Variants in CCDC38 observed in about 807,000 individuals in gnomAD.
The protein encoded by CCDC38 is coiled-coil domain-containing protein 38.
A neutral mutation model predicts 72.8 loss-of-function variants in CCDC38; 69 were observed. That is an observed-to-expected ratio of 0.95 (90% confidence interval 0.78 to 1.16). The LOEUF (loss-of-function observed/expected upper bound fraction) is 1.16. Among genes scored for constraint, CCDC38 ranks in the 50% most tolerant of loss-of-function variants. CCDC38 has a pLI of 0.00. For missense variants in CCDC38, 626 were observed against 638.9 expected (o/e 0.98, Z 0.22); for synonymous variants, 201 against 213.2 (o/e 0.94, Z 0.50).
chr12:95,929,287 G>A (rs1400591568), intron 2 of CCDC38, among the ~76,000 whole-genome samples: 1 of 152,172 alleles, frequency 6.6e-6, no homozygotes, highest in African/African-American at 2.4e-5. Flanking sequence ...ATTCGGGTGG[G>A]AGTGACCCGA....
At chr12:95,920,985 G>C (rs751792769) in intron 2 of CCDC38, among the ~76,000 whole-genome samples, 1 of 151,896 alleles carries the variant, frequency 6.6e-6, no homozygotes, top group Non-Finnish European at 1.5e-5. Context: ...AAAATTAGCC[G>C]GGTGTGGTGG....
At chr12:95,923,361 C>CT (rs2080229540) in intron 2 of CCDC38, among the ~76,000 whole-genome samples, 1 of 151,982 alleles carries the variant, frequency 6.6e-6, no homozygotes, top group South Asian at 2.1e-4. Flanking sequence ...GGACCTATGC[C>CT]TTATATACCA....
intron 5 of CCDC38, among the ~76,000 whole-genome samples, chr12:95,903,252 A>G (rs568485764): frequency 7.2e-4 from 109 of 152,264 alleles, no homozygotes; most frequent in Non-Finnish European, 1.3e-3. Flanking sequence ...CCTTGCTACA[A>G]CCTTGCTAAA....
intron 2 of CCDC38, among the ~76,000 whole-genome samples, chr12:95,936,034 C>A (rs922865549): frequency 6.6e-6 from 1 of 151,808 alleles, no homozygotes; most frequent in South Asian, 2.1e-4. Flanking sequence ...ACCAAGATTG[C>A]GCCAATGCAC....
rs765916613 is a variant in CCDC38 at position 95,918,965 on chromosome 12, C to G, written c.49G>C (p.Asp17His). ...GGCCTGTCCTCTTTGGTTGAGCCATCTTTTACTTTACCTGTTAAAAAAGAA... is the reference window on the plus strand; with the variant it reads ...GGCCTGTCCTCTTTGGTTGAGCCATGTTTTACTTTACCTGTTAAAAAAGAA... ...PTLNSGGKVK[D>H]GSTKEDRPYK... The change falls in exon 3 of 16, where the codon GAT (aspartate) becomes CAT (histidine). Residue 17 changes from aspartate to histidine, a missense_variant. By Grantham distance (81) the Asp-to-His change is moderately conservative. Coordinates refer to ENST00000344280, the MANE Select transcript of CCDC38 (RefSeq NM_182496.3). 3.1e-6 allele frequency: 5 copies of G among 1,600,280 alleles called. No homozygotes were observed. The highest frequency in any genetic ancestry group is 1.7e-4 in the Middle Eastern group (1 of 6,028).
chr12:95,925,823 G>C (rs948832050), intron 2 of CCDC38, among the ~76,000 whole-genome samples: 19 of 150,566 alleles, frequency 1.3e-4, no homozygotes, highest in Non-Finnish European at 2.7e-4. Flanking sequence ...CTTTGGTTCT[G>C]TTTATATGCT....
At chr12:95,887,511 A>G (rs938342973) in intron 10 of CCDC38, among the ~76,000 whole-genome samples, 1 of 152,254 alleles carries the variant, frequency 6.6e-6, no homozygotes. Flanking sequence ...CCAAAAGATT[A>G]CATACTGTAG....
At chr12:95,898,313 G>A in intron 7 of CCDC38, 72 bp downstream of exon 7, 1 of 1,377,962 alleles carries the variant, frequency 7.3e-7, no homozygotes, top group Non-Finnish European at 1.0e-6. Context: ...GGATTATTAG[G>A]TCTTACCTGG....
At chr12:95,918,059 T>C (rs775102372) in intron 3 of CCDC38, among the ~76,000 whole-genome samples, 2 of 152,184 alleles carry the variant, frequency 1.3e-5, no homozygotes, top group Non-Finnish European at 2.9e-5. Context: ...GATGAATCTG[T>C]TGTTGAGCAT....
chr12:95,872,171 T>C, intron 14 of CCDC38, 84 bp downstream of exon 14: 1 of 1,229,984 alleles, frequency 8.1e-7, no homozygotes, highest in Non-Finnish European at 1.2e-6. Flanking sequence ...AATATGACAT[T>C]ACACAAGAGA....
intron 10 of CCDC38, among the ~76,000 whole-genome samples, chr12:95,884,581 C>T (rs902164953): frequency 3.9e-5 from 6 of 152,228 alleles, no homozygotes; most frequent in African/African-American, 1.4e-4. Context: ...AACTTATTCT[C>T]TCACAGTTCT....
chr12:95,910,499 A>G (rs905606976), intron 4 of CCDC38, among the ~76,000 whole-genome samples: 27 of 152,230 alleles, frequency 1.8e-4, no homozygotes, highest in African/African-American at 5.1e-4. Flanking sequence ...TTATGAAAGC[A>G]ATTTACAGAT....
chr12:95,902,633 T>G (rs577966312), intron 5 of CCDC38, among the ~76,000 whole-genome samples: 1 of 152,288 alleles, frequency 6.6e-6, no homozygotes, highest in Admixed American at 6.5e-5. Context: ...TCATGGACAT[T>G]TTGCTTGTTT....
intron 2 of CCDC38, among the ~76,000 whole-genome samples, chr12:95,923,026 T>G (rs1384502142): frequency 6.6e-6 from 1 of 152,008 alleles, no homozygotes; most frequent in Admixed American, 6.6e-5. Context: ...TCGTCCAATC[T>G]CTTGAGGGTC....
chr12:95,906,784 TC>T (rs397956007), intron 4 of CCDC38, among the ~76,000 whole-genome samples: 3 of 146,178 alleles, frequency 2.1e-5, no homozygotes, highest in East Asian at 4.0e-4. Flanking sequence ...TTTTTTTTTT[TC>T]CAATCAAGAT....
At chr12:95,941,571 T>G (rs1180055404) in intron 1 of CCDC38, among the ~76,000 whole-genome samples, 2 of 152,190 alleles carry the variant, frequency 1.3e-5, no homozygotes, top group Non-Finnish European at 1.5e-5. Flanking sequence ...TTTTCTATAA[T>G]TTTAACCCAT....
At chr12:95,929,729 A>T (rs759435787) in intron 2 of CCDC38, among the ~76,000 whole-genome samples, 1 of 152,246 alleles carries the variant, frequency 6.6e-6, no homozygotes, top group South Asian at 2.1e-4. Context: ...AACACCAAGT[A>T]TATTAGTTTC....
chr12:95,906,430 A>G lies in CCDC38; in HGVS notation c.326T>C (p.Val109Ala), dbSNP rs954990173. 6.8e-6 allele frequency: 11 copies of G among 1,613,374 alleles called. No individual in the cohort carries two copies. The highest frequency in any genetic ancestry group is 7.6e-6 in the Non-Finnish European group (9 of 1,179,550). The change falls in exon 5 of 16, where the codon GTC (valine) becomes GCC (alanine). Residue 109 changes from valine to alanine, a missense_variant. Transcript: ENST00000344280. ...LIEGSDTKRTVHEFINDQRDR... is the reference protein window; with the variant it reads ...LIEGSDTKRTAHEFINDQRDR... ...TCTCTGGTCATTAATAAATTCATGG[A>G]CAGTCCTTTTTGTGTCGGAACCTGT...
At chr12:95,931,579 CTCATTCATTCAT>C (rs2080339878) in intron 2 of CCDC38, among the ~76,000 whole-genome samples, 1 of 152,096 alleles carries the variant, frequency 6.6e-6, no homozygotes, top group South Asian at 2.1e-4. Context: ...CATTCATCCA[CTCATTCATTCAT>C]TCAACAAATA....
Sources: allele counts gnomAD v4.1 joint callset (sites outside exome capture counted in the v4.1 genomes callset), GRCh38; gene constraint gnomAD v4.1.1; transcripts MANE v1.5; gene names NCBI Gene and HGNC (gene_info 2026-07-23, HGNC 2026-07-21).